The following AUTS2 variants were observed in gnomAD, a reference collection of about 807,000 sequenced individuals.
AUTS2 encodes the protein activator of transcription and developmental regulator AUTS2, also known as autism susceptibility gene 2 protein.
A neutral mutation model predicts 112.4 loss-of-function variants in AUTS2; 17 were observed. That is an observed-to-expected ratio of 0.15 (90% confidence interval 0.10 to 0.23). The LOEUF is 0.23. Ranked by LOEUF, AUTS2 falls within the 10% of genes least tolerant of loss-of-function variation. AUTS2 has a pLI of 1.00. For synonymous variants in AUTS2, 751 were observed against 702.7 expected (o/e 1.07, Z -1.09); for missense variants, 1,510 against 1,701.6 (o/e 0.89, Z 1.98).
At chr7:69,919,779 G>C (rs1382708221) in intron 2 of AUTS2, among the ~76,000 whole-genome samples, 1 of 152,022 alleles carries the variant, frequency 6.6e-6, no homozygotes, top group African/African-American at 2.4e-5. Context: ...AGAAAAAAAA[G>C]TAGATTAAAA....
At chr7:70,026,505 T>C (rs1800530977) in intron 2 of AUTS2, among the ~76,000 whole-genome samples, 1 of 152,206 alleles carries the variant, frequency 6.6e-6, no homozygotes, top group Admixed American at 6.5e-5. Context: ...TAATTGGAGA[T>C]CTAGGTTGGC....
intron 5 of AUTS2, among the ~76,000 whole-genome samples, chr7:70,626,614 G>T (rs1384161724): frequency 6.6e-6 from 1 of 151,996 alleles, no homozygotes; most frequent in African/African-American, 2.4e-5. Flanking sequence ...GATCTCATCA[G>T]CCAGGTACTG....
chr7:70,715,022 G>C (rs891130653), intron 6 of AUTS2, among the ~76,000 whole-genome samples: 1 of 152,154 alleles, frequency 6.6e-6, no homozygotes, highest in Non-Finnish European at 1.5e-5. Context: ...GATGGCAGAG[G>C]GTGACTTTTC....
At chr7:70,171,894 GTT>G (rs11295400) in intron 4 of AUTS2, among the ~76,000 whole-genome samples, 15,607 of 145,394 alleles carry the variant, frequency 0.11, 833 homozygotes, top group South Asian at 0.12. Context: ...TTATAAACAA[GTT>G]TTTTTTTTTG....
chr7:70,348,739 A>G, intron 4 of AUTS2, among the ~76,000 whole-genome samples: 1 of 152,158 alleles, frequency 6.6e-6, no homozygotes, highest in Non-Finnish European at 1.5e-5. Context: ...GAACCCCGGG[A>G]GGCGTTGCTT....
chr7:70,617,835 C>A (rs1022968545), intron 5 of AUTS2, among the ~76,000 whole-genome samples: 1 of 152,178 alleles, frequency 6.6e-6, no homozygotes, highest in Non-Finnish European at 1.5e-5. Context: ...ATGTCCATTT[C>A]TTTGCCTCCT....
chr7:69,911,694 G>A (rs1487572695), intron 2 of AUTS2, among the ~76,000 whole-genome samples: 2 of 152,168 alleles, frequency 1.3e-5, no homozygotes, highest in African/African-American at 4.8e-5. Context: ...TCTGCAGCTG[G>A]TAGTCCGATG....
At position 69,836,196 on chromosome 7, in the gene AUTS2, T is replaced by A. The variant is rs73440117; in HGVS notation, c.310-63090T>A. Among the ~76,000 whole-genome samples, 1,247 of 152,304 alleles carry A rather than the reference T, an allele frequency of 8.2e-3. 16 individuals are homozygous for A. The highest frequency in any genetic ancestry group is 0.029 in the African/African-American group (1,213 of 41,566). On this transcript the variant is annotated intron_variant, in intron 1 of 18. Transcript: ENST00000342771. ...AGACAAAACTAACATTTTCTTCAGC[T>A]TAGTATAAACAGATTTCTGCTCAGA...
At chr7:70,208,279 T>A (rs2129586978) in intron 4 of AUTS2, among the ~76,000 whole-genome samples, 1 of 152,350 alleles carries the variant, frequency 6.6e-6, no homozygotes, top group South Asian at 2.1e-4. Flanking sequence ...ATTTCTGCTA[T>A]GCAGCGTGAC....
intron 2 of AUTS2, among the ~76,000 whole-genome samples, chr7:70,098,706 C>CTT (rs1248247686): frequency 3.5e-5 from 5 of 142,660 alleles, no homozygotes; most frequent in Non-Finnish European, 4.6e-5. Context: ...TTTTTCTTTT[C>CTT]TTTTTTTTTT....
intron 3 of AUTS2, among the ~76,000 whole-genome samples, chr7:70,122,406 A>C (rs1421278547): frequency 1.3e-5 from 2 of 152,182 alleles, no homozygotes; most frequent in Non-Finnish European, 2.9e-5. Context: ...GAAAATATGG[A>C]AAATAGTTAT....
chr7:70,104,353 G>GT (rs1412025792), intron 2 of AUTS2, among the ~76,000 whole-genome samples: 1 of 152,030 alleles, frequency 6.6e-6, no homozygotes, highest in Non-Finnish European at 1.5e-5. Flanking sequence ...ATTTAAGTCT[G>GT]ATAGTGTACA....
At chr7:70,140,844 G>A (rs1038087390) in intron 4 of AUTS2, among the ~76,000 whole-genome samples, 2 of 152,194 alleles carry the variant, frequency 1.3e-5, no homozygotes, top group African/African-American at 4.8e-5. Context: ...TTGATAAGGA[G>A]TTGAGTTGGA....
At chr7:70,322,903 TCTCTTCATCCTTCCA>T (rs1790320578) in intron 4 of AUTS2, among the ~76,000 whole-genome samples, 1 of 152,150 alleles carries the variant, frequency 6.6e-6, no homozygotes, top group Non-Finnish European at 1.5e-5. Context: ...AAGCCCTAGC[TCTCTTCATCCTTCCA>T]CTCTCAGCAC....
At chr7:70,407,653 C>T (rs1794593597) in intron 4 of AUTS2, among the ~76,000 whole-genome samples, 1 of 151,770 alleles carries the variant, frequency 6.6e-6, no homozygotes, top group South Asian at 2.1e-4. Context: ...GTGGGGTGGC[C>T]CACACCTGTA....
intron 1 of AUTS2, among the ~76,000 whole-genome samples, chr7:69,679,035 G>T (rs545133940): frequency 6.6e-6 from 1 of 152,312 alleles, no homozygotes; most frequent in African/African-American, 2.4e-5. Context: ...CCATGCTGTC[G>T]CCATAGTGAA....
chr7:70,701,317 G>A (rs1243111267), intron 6 of AUTS2, among the ~76,000 whole-genome samples: 1 of 152,218 alleles, frequency 6.6e-6, no homozygotes, highest in Non-Finnish European at 1.5e-5. Flanking sequence ...GAGGCAGCAG[G>A]GGCCGTGGCT....
chr7:70,498,109 A>T (rs1798628616), intron 5 of AUTS2, among the ~76,000 whole-genome samples: 1 of 152,180 alleles, frequency 6.6e-6, no homozygotes, highest in Non-Finnish European at 1.5e-5. Flanking sequence ...GAGGGGTGAC[A>T]TTGGAACAAA....
chr7:70,362,662 C>T (rs1792325724), intron 4 of AUTS2, among the ~76,000 whole-genome samples: 1 of 152,112 alleles, frequency 6.6e-6, no homozygotes, highest in African/African-American at 2.4e-5. Context: ...TTCCTTCCTC[C>T]CTCCCTTTCT....
Sources: allele counts gnomAD v4.1 joint callset (sites outside exome capture counted in the v4.1 genomes callset), GRCh38; gene constraint gnomAD v4.1.1; transcripts MANE v1.5; gene names NCBI Gene and HGNC (gene_info 2026-07-23, HGNC 2026-07-21).